CHRM3: variants seen among roughly 807,000 people sequenced by gnomAD.
CHRM3 encodes muscarinic acetylcholine receptor M3.
A neutral mutation model predicts 41.8 loss-of-function variants in CHRM3; 11 were observed. The ratio of observed to expected loss-of-function variants is 0.26; its 90% CI spans 0.17 to 0.44. The LOEUF is 0.44. Ranked by LOEUF, CHRM3 falls within the 20% of genes least tolerant of loss-of-function variation. The pLI is 1.00. For synonymous variants in CHRM3, 297 were observed against 301.4 expected, an observed-to-expected ratio of 0.99 and a Z score of 0.15; for missense variants, 571 against 745.4, an observed-to-expected ratio of 0.77 and a Z score of 2.72.
At chr1:239,522,979 A>G (rs1669757430) in intron 2 of CHRM3, among the ~76,000 whole-genome samples, 1 of 152,108 alleles carries the variant, frequency 6.6e-6, no homozygotes, top group Non-Finnish European at 1.5e-5. Flanking sequence ...GACAGGCTGC[A>G]TCTCCTCCAG....
intron 5 of CHRM3, among the ~76,000 whole-genome samples, chr1:239,797,006 G>GACAAT (rs1669833354): frequency 6.6e-6 from 1 of 152,110 alleles, no homozygotes; most frequent in African/African-American, 2.4e-5. Context: ...TCAAGAGTAG[G>GACAAT]ACAATACACA....
chr1:239,849,739 C>T (rs2149216046), intron 6 of CHRM3, among the ~76,000 whole-genome samples: 1 of 152,182 alleles, frequency 6.6e-6, no homozygotes, highest in African/African-American at 2.4e-5. Flanking sequence ...CCCTCAGTTT[C>T]CGGGCCTTTA....
chr1:239,867,321 T>C (rs1223229609), intron 6 of CHRM3, among the ~76,000 whole-genome samples: 1 of 152,240 alleles, frequency 6.6e-6, no homozygotes, highest in Non-Finnish European at 1.5e-5. Flanking sequence ...TTCTGCTTAT[T>C]TGAAAACTGA....
intron 6 of CHRM3, among the ~76,000 whole-genome samples, chr1:239,906,881 A>G (rs1159053199): frequency 6.6e-6 from 1 of 152,156 alleles, no homozygotes; most frequent in Non-Finnish European, 1.5e-5. Flanking sequence ...TCCTGTCTCA[A>G]AGAGGCAATA....
At chr1:239,589,441 A>C (rs1262477320) in intron 3 of CHRM3, among the ~76,000 whole-genome samples, 1 of 151,324 alleles carries the variant, frequency 6.6e-6, no homozygotes, top group Non-Finnish European at 1.5e-5. Context: ...ATATTAGTGC[A>C]TGGAAATTAC....
chr1:239,711,626 T>C (rs1040775088), intron 5 of CHRM3, among the ~76,000 whole-genome samples: 2 of 151,440 alleles, frequency 1.3e-5, no homozygotes, highest in Non-Finnish European at 1.5e-5. Context: ...TTTAGTCCAC[T>C]GCCCCACTCC....
chr1:239,587,326 C>T (rs1663530611), intron 3 of CHRM3, among the ~76,000 whole-genome samples: 1 of 152,106 alleles, frequency 6.6e-6, no homozygotes, highest in South Asian at 2.1e-4. Flanking sequence ...ATAACAAAGC[C>T]ACATACAGGC....
intron 1 of CHRM3, among the ~76,000 whole-genome samples, chr1:239,393,546 T>C (rs1383078333): frequency 6.6e-6 from 1 of 152,192 alleles, no homozygotes; most frequent in East Asian, 1.9e-4. Flanking sequence ...TGTTTCTTTA[T>C]ATGGAGTCCT....
chr1:239,816,621 T>A (rs1671609948), intron 5 of CHRM3, among the ~76,000 whole-genome samples: 1 of 151,976 alleles, frequency 6.6e-6, no homozygotes, highest in African/African-American at 2.4e-5. Flanking sequence ...AGGAAGCCAC[T>A]GGGCAGCATA....
At chr1:239,670,064 G>T (rs528731216) in intron 4 of CHRM3, among the ~76,000 whole-genome samples, 1 of 152,150 alleles carries the variant, frequency 6.6e-6, no homozygotes, top group Non-Finnish European at 1.5e-5. Flanking sequence ...AGCCAGTTAA[G>T]GTTTTGTTTT....
At chr1:239,771,297 C>G (rs1667648084) in intron 5 of CHRM3, among the ~76,000 whole-genome samples, 1 of 152,112 alleles carries the variant, frequency 6.6e-6, no homozygotes, top group African/African-American at 2.4e-5. Flanking sequence ...CTTCCGTTTG[C>G]ACCTTTGGGC....
chr1:239,501,740 C>A (rs1485492269), intron 2 of CHRM3, among the ~76,000 whole-genome samples: 1 of 152,076 alleles, frequency 6.6e-6, no homozygotes, highest in Admixed American at 6.6e-5. Context: ...TGCCTGTAGT[C>A]CCAGCTAGTC....
intron 2 of CHRM3, among the ~76,000 whole-genome samples, chr1:239,543,502 C>T (rs1272594872): frequency 2.6e-5 from 4 of 151,210 alleles, no homozygotes; most frequent in Non-Finnish European, 5.9e-5. Context: ...AATCAGCAAC[C>T]GATTTATTTT....
At chr1:239,482,629 A>G (rs556140143) in intron 1 of CHRM3, among the ~76,000 whole-genome samples, 120 of 152,104 alleles carry the variant, frequency 7.9e-4, no homozygotes, top group Non-Finnish European at 1.4e-3. Context: ...TCCCATACCT[A>G]GGTTACTCCT....
chr1:239,421,680 A>G (rs1388464580), intron 1 of CHRM3, among the ~76,000 whole-genome samples: 1 of 152,206 alleles, frequency 6.6e-6, no homozygotes, highest in African/African-American at 2.4e-5. Context: ...TGGTTTAGGA[A>G]ATCAGGTGTT....
intron 2 of CHRM3, among the ~76,000 whole-genome samples, chr1:239,519,831 T>C (rs993499365): frequency 2.3e-5 from 3 of 131,432 alleles, no homozygotes; most frequent in African/African-American, 8.5e-5. Flanking sequence ...CACTGCAAGC[T>C]CCGCCTCCCG....
chr1:239,530,725 C>T (rs1424210870), intron 2 of CHRM3, among the ~76,000 whole-genome samples: 1 of 152,008 alleles, frequency 6.6e-6, no homozygotes, highest in Admixed American at 6.6e-5. Flanking sequence ...AGCACAAAAG[C>T]AGTCTTGAGA....
intron 4 of CHRM3, among the ~76,000 whole-genome samples, chr1:239,676,595 A>G (rs576422777): frequency 1.1e-3 from 161 of 152,240 alleles, no homozygotes; most frequent in Non-Finnish European, 2.0e-3. Flanking sequence ...TAACTTCTTC[A>G]AGAACCCTGG....
chr1:239,461,933 A>G (rs1665391520), intron 1 of CHRM3, among the ~76,000 whole-genome samples: 1 of 151,984 alleles, frequency 6.6e-6, no homozygotes, highest in Non-Finnish European at 1.5e-5. Context: ...TCAAAAGCAA[A>G]TAAATGAAGT....
Sources: gnomAD v4.1 joint callset for allele counts (sites outside exome capture counted in the v4.1 genomes callset) on GRCh38, gnomAD v4.1.1 for gene constraint, MANE v1.5 for transcripts, NCBI Gene and HGNC (gene_info 2026-07-23, HGNC 2026-07-21) for gene names.